ZNF662: variants seen among roughly 807,000 people sequenced by gnomAD.
ZNF662 encodes the protein zinc finger protein 662.
In ZNF662, 14 loss-of-function variants were observed where a neutral mutation model predicts 12.4. The observed-to-expected ratio is 1.13, with a 90% CI of 0.75 to 1.77. The LOEUF (loss-of-function observed/expected upper bound fraction) is 1.77, where lower values mean the gene tolerates loss of function less well. Among genes scored for constraint, ZNF662 ranks in the 40% most tolerant of loss-of-function variants. The pLI is 0.00. For synonymous variants in ZNF662, 184 were observed against 176.4 expected (o/e 1.04, Z -0.34); for missense variants, 550 against 515.6 (o/e 1.07, Z -0.65).
At position 42,908,826 on chromosome 3, in the gene ZNF662, C is replaced by T; in HGVS notation, c.68C>T (p.Ser23Phe). 6.2e-7 allele frequency: 1 copy of T among 1,614,116 alleles called. No individual in the cohort carries two copies. Among genetic ancestry groups the T allele is most frequent in the Non-Finnish European group, 8.5e-7 (1 of 1,179,996 alleles). The change falls in exon 3 of 5, where the codon TCC becomes TTC. Residue 23 changes from serine to phenylalanine, a missense_variant. By Grantham distance (155) the Ser-to-Phe change is radical. Transcript: ENST00000440367. ...AFPFPKPALI[S>F]QLERGETPWC... ...CCATTTCCCAAACCGGCTCTGATTTCCCAGCTGGAGCGAGGGGAAACACCC... is the reference window on the plus strand; with the variant it reads ...CCATTTCCCAAACCGGCTCTGATTTTCCAGCTGGAGCGAGGGGAAACACCC...
chr3:42,912,239 T>C (rs1482233187), intron 3 of ZNF662, among the ~76,000 whole-genome samples: 1 of 132,632 alleles, frequency 7.5e-6, no homozygotes, highest in Non-Finnish European at 1.6e-5. Context: ...TATATATAAA[T>C]ATATAAATAA....
chr3:42,917,738 T>C lies in ZNF662; in HGVS notation c.*2384T>C. 1 of 597,550 alleles carries C rather than the reference T, an allele frequency of 1.7e-6. No homozygotes were observed. Among genetic ancestry groups the C allele is most frequent in the Non-Finnish European group, 3.0e-6 (1 of 338,242 alleles). The allele number at this position is 597,550 out of a possible 1,614,324, so 37.0% of individuals were successfully genotyped here. On this transcript the variant is annotated 3_prime_UTR_variant, in exon 5 of 5. Coordinates refer to ENST00000440367, the MANE Select transcript of ZNF662 (RefSeq NM_207404.4). The stretch of plus-strand genomic sequence containing the variant: ...TCTCATACAGCTCCTCAGTGTCACC[T>C]TTTCCTCTTGCTCAGTAGTCTCATA...
chr3:42,914,858 A>G lies in ZNF662; in HGVS notation c.785A>G (p.Asn262Ser). 6.2e-7 allele frequency: 1 copy of G among 1,614,168 alleles called. No homozygotes were observed. The highest frequency in any genetic ancestry group is 8.5e-7 in the Non-Finnish European group (1 of 1,180,020). The change falls in exon 5 of 5, where the codon AAC becomes AGC. Residue 262 changes from asparagine (N) to serine (S), a missense_variant. Asn to Ser is a conservative substitution (Grantham distance 46). Coordinates refer to ENST00000440367, the MANE Select transcript of ZNF662 (RefSeq NM_207404.4). ...GCTAAGGCCTTTGTTTGGAAGTCAA[A>G]CCTGATTCGTCACCAGAGAATACAT... The part of the protein sequence containing the change: ...ECAKAFVWKS[N>S]LIRHQRIHTG...
chr3:42,912,784 G>A (rs1313422998), intron 3 of ZNF662, among the ~76,000 whole-genome samples: 2 of 131,806 alleles, frequency 1.5e-5, no homozygotes, highest in Non-Finnish European at 3.2e-5. Context: ...CTGTCGCCCA[G>A]GCTGGAGAGC....
rs1559382523 is a variant in ZNF662 at position 42,914,765 on chromosome 3, T to C, written c.692T>C (p.Phe231Ser). The C allele has an allele frequency of 6.2e-7, 1 of 1,612,248 alleles. No individual in the cohort carries two copies. The highest frequency in any genetic ancestry group is 8.5e-7 in the Non-Finnish European group (1 of 1,179,360). The change falls in exon 5 of 5, where the codon TTT (phenylalanine) becomes TCT (serine). Residue 231 changes from phenylalanine (F) to serine (S), a missense_variant. Coordinates refer to ENST00000440367, the MANE Select transcript of ZNF662 (RefSeq NM_207404.4). The stretch of plus-strand genomic sequence containing the variant: ...AAGGAATGTGGGAAGGCTTTCAGTT[T>C]TCGATCACATTGCATTGCACATCAG... Reference protein sequence around the residue: ...GCKECGKAFSFRSHCIAHQRI... With the variant: ...GCKECGKAFSSRSHCIAHQRI...
Position 42,917,720 on chromosome 3 carries a change from C to G in ZNF662, c.*2366C>G, listed in dbSNP as rs1340191634. 1.6e-6 allele frequency: 1 copy of G among 611,622 alleles called. No individual in the cohort carries two copies. Among genetic ancestry groups the G allele is most frequent in the African/African-American group, 1.9e-5 (1 of 53,902 alleles). 37.9% of individuals were successfully genotyped at this position (611,622 alleles called of 1,614,324 possible). ...TGTTTGAAATCACTGTTTTCTCATA[C>G]AGCTCCTCAGTGTCACCTTTTCCTC... is the stretch of plus-strand genomic sequence containing the variant. On this transcript the variant is annotated 3_prime_UTR_variant, in exon 5 of 5. Coordinates refer to ENST00000440367, the MANE Select transcript of ZNF662 (RefSeq NM_207404.4).
chr3:42,907,220 A>G (rs1304191957), intron 1 of ZNF662, among the ~76,000 whole-genome samples: 2 of 152,202 alleles, frequency 1.3e-5, no homozygotes, highest in African/African-American at 4.8e-5. Flanking sequence ...ACTCCTAGAG[A>G]TATAGAAAAT....
In ZNF662 at chr3:42,915,217, C is replaced by T; in HGVS notation, c.1144C>T (p.His382Tyr). 1.2e-6 allele frequency: 2 copies of T among 1,614,104 alleles called. No individual in the cohort carries two copies. Among genetic ancestry groups the T allele is most frequent in the Middle Eastern group, 1.6e-4 (1 of 6,062 alleles). Residue 382 changes from histidine (H) to tyrosine (Y), a missense_variant, in exon 5 of 5, where the codon CAT becomes TAT. His to Tyr is a moderately conservative substitution (Grantham distance 83). Coordinates refer to ENST00000440367, the MANE Select transcript of ZNF662 (RefSeq NM_207404.4). Reference sequence around the variant, plus strand: ...ACATCTTATTCGACATCAAAGAATCCATACTGGGGAAAGACCCTATAAATG... The same window carrying T: ...ACATCTTATTCGACATCAAAGAATCTATACTGGGGAAAGACCCTATAAATG... ...KAHLIRHQRI[H>Y]TGERPYKCND...
At position 42,915,482 on chromosome 3, in the gene ZNF662, A is replaced by G. The variant is rs1336952943; in HGVS notation, c.*128A>G. 6.9e-6 allele frequency: 6 copies of G among 869,680 alleles called. No individual in the cohort carries two copies. In the East Asian group the frequency reaches 1.6e-4, roughly 23 times the overall value. The allele number at this position is 869,680 out of a possible 1,614,324, so 53.9% of individuals were successfully genotyped here. A position where few individuals can be genotyped will look rare whatever the true frequency, so the allele number is the denominator to read the frequency against. On this transcript the variant is annotated 3_prime_UTR_variant, in exon 5 of 5. Coordinates refer to ENST00000440367, the MANE Select transcript of ZNF662 (RefSeq NM_207404.4). ...TAGCCAGTATTATCTTGCCCTTTTG[A>G]ACATTTACCATGTACTCTAGCAAGA...
chr3:42,908,621 G>GT, intron 2 of ZNF662, 172 bp from the exon 3 acceptor site: 2 of 1,454,940 alleles, frequency 1.4e-6, no homozygotes, highest in Admixed American at 2.4e-5. Flanking sequence ...CCTGACCTTT[G>GT]TAAGTCTCCT....
intron 3 of ZNF662, chr3:42,912,195 T>G (rs572133148): frequency 7.2e-6 from 1 of 138,366 alleles, no homozygotes; most frequent in African/African-American, 2.7e-5. Flanking sequence ...TAAAAATATA[T>G]GTATATATAA....
intron 3 of ZNF662, among the ~76,000 whole-genome samples, chr3:42,909,214 C>T (rs1364636000): frequency 2.0e-5 from 3 of 152,160 alleles, no homozygotes; most frequent in African/African-American, 4.8e-5. Flanking sequence ...GCCCTGCCGC[C>T]TTCCGTAGTG....
Position 42,917,718 on chromosome 3 carries a change from T to C in ZNF662, c.*2364T>C, listed in dbSNP as rs2088908970. The C allele has an allele frequency of 1.6e-6, 1 of 613,580 alleles. No individual in the cohort carries two copies. Among genetic ancestry groups the C allele is most frequent in the Non-Finnish European group, 2.9e-6 (1 of 346,420 alleles). 38.0% of individuals were successfully genotyped at this position (613,580 alleles called of 1,614,324 possible). Reference sequence around the variant, plus strand: ...TGTGTTTGAAATCACTGTTTTCTCATACAGCTCCTCAGTGTCACCTTTTCC... The same window carrying C: ...TGTGTTTGAAATCACTGTTTTCTCACACAGCTCCTCAGTGTCACCTTTTCC... On this transcript the variant is annotated 3_prime_UTR_variant, in exon 5 of 5. Transcript: ENST00000440367.
chr3:42,914,866 C>T lies in ZNF662; in HGVS notation c.793C>T (p.Arg265Cys), dbSNP rs373448074. The change falls in exon 5 of 5, where the codon CGT becomes TGT. Residue 265 changes from arginine (R) to cysteine (C), a missense_variant. Arg to Cys is a radical substitution (Grantham distance 180, BLOSUM62 -3). Coordinates refer to ENST00000440367, the MANE Select transcript of ZNF662 (RefSeq NM_207404.4). ...KAFVWKSNLI[R>C]HQRIHTGEKP... is the part of the protein sequence containing the mutation. ...CTTTGTTTGGAAGTCAAACCTGATT[C>T]GTCACCAGAGAATACATACTGGAGA... The T allele has an allele frequency of 3.7e-5, 59 of 1,614,068 alleles. No homozygotes were observed. The highest frequency in any genetic ancestry group is 1.7e-4 in the Middle Eastern group (1 of 6,058).
At chr3:42,909,976 C>T (rs1208595903) in intron 3 of ZNF662, among the ~76,000 whole-genome samples, 2 of 152,162 alleles carry the variant, frequency 1.3e-5, no homozygotes, top group Non-Finnish European at 2.9e-5. Flanking sequence ...GCTGCAATCT[C>T]GGCACTTTGG....
chr3:42,912,411 T>A (rs2088811771), intron 3 of ZNF662, among the ~76,000 whole-genome samples: 1 of 98,728 alleles, frequency 1.0e-5, no homozygotes, highest in African/African-American at 4.2e-5. Context: ...ATATTATATA[T>A]TATATATATT....
In ZNF662 at chr3:42,914,985, C is replaced by T; in HGVS notation, c.912C>T (p.Tyr304=). Residue 304 remains tyrosine (Y), a synonymous_variant, in exon 5 of 5, where the codon TAC becomes TAT. Transcript: ENST00000440367. ...HQRIHTGEKP[Y]TCKECGKSFT... ...GGATCCACACTGGTGAGAAACCATA[C>T]ACATGTAAGGAATGTGGGAAAAGCT... 6.2e-7 allele frequency: 1 copy of T among 1,613,956 alleles called. No homozygotes were observed. Among genetic ancestry groups the T allele is most frequent in the Middle Eastern group, 1.7e-4 (1 of 6,060 alleles).
Position 42,917,422 on chromosome 3 carries a change from A to T in ZNF662, c.*2068A>T. ...ATAGGAAAATGTGAGACCTAGAATT[A>T]TAGCAACTTTTTTTTTCTGTTAAAA... On this transcript the variant is annotated 3_prime_UTR_variant, in exon 5 of 5. Coordinates refer to ENST00000440367, the MANE Select transcript of ZNF662 (RefSeq NM_207404.4). 1.5e-6 allele frequency: 1 copy of T among 675,598 alleles called. No homozygotes were observed. The highest frequency in any genetic ancestry group is 1.6e-5 in the South Asian group (1 of 61,802). 41.9% of individuals were successfully genotyped at this position (675,598 alleles called of 1,614,324 possible).
In ZNF662 at chr3:42,906,237, C is replaced by A; in HGVS notation, c.-94+69C>A. The A allele has an allele frequency of 1.1e-6, 1 of 932,084 alleles. No homozygotes were observed. The highest frequency in any genetic ancestry group is 1.5e-6 in the Non-Finnish European group (1 of 649,916). 57.7% of individuals were successfully genotyped at this position (932,084 alleles called of 1,614,324 possible). ...AGTCGGGGTCTTACTCCGGTGGCTGCAGGGCGCAGGGTAGCCGTGTCAGGC... is the reference window on the plus strand; with the variant it reads ...AGTCGGGGTCTTACTCCGGTGGCTGAAGGGCGCAGGGTAGCCGTGTCAGGC... On this transcript the variant is annotated intron_variant, in intron 1 of 4. Coordinates refer to ENST00000440367, the MANE Select transcript of ZNF662 (RefSeq NM_207404.4). This position sits in a 1 kb window ranked among gnomAD's most constrained non-coding sequence, Gnocchi z 4.4.
Sources: allele counts gnomAD v4.1 joint callset (sites outside exome capture counted in the v4.1 genomes callset), GRCh38; gene constraint gnomAD v4.1.1; non-coding constraint Gnocchi (gnomAD v3.1); transcripts MANE v1.5; gene names NCBI Gene and HGNC (gene_info 2026-07-23, HGNC 2026-07-21).